The following IQCK variants were observed in gnomAD, a reference collection of about 807,000 sequenced individuals.
IQCK encodes the protein IQ domain-containing protein K.
In IQCK, 29 loss-of-function variants were observed where a neutral mutation model predicts 28.1. The observed-to-expected ratio is 1.03, with a 90% CI of 0.77 to 1.41. The LOEUF is 1.41. IQCK is among the 40% of genes most tolerant of loss of function. IQCK has a pLI of 0.00. For synonymous variants in IQCK, 113 were observed against 115.1 expected (o/e 0.98, Z 0.12); for missense variants, 359 against 314.7 (o/e 1.14, Z -1.07).
intron 9 of IQCK, among the ~76,000 whole-genome samples, chr16:19,850,748 C>T (rs2056471868): frequency 6.6e-6 from 1 of 152,102 alleles, no homozygotes. Context: ...GGTGCTGTGG[C>T]TCACACCTGT....
intron 7 of IQCK, among the ~76,000 whole-genome samples, chr16:19,820,516 G>C (rs1257907873): frequency 1.3e-5 from 2 of 152,124 alleles, no homozygotes; most frequent in African/African-American, 4.8e-5. Flanking sequence ...GGGCGCAGGG[G>C]CGGGCGCCTG....
At chr16:19,812,578 CT>C (rs1443132031) in intron 7 of IQCK, among the ~76,000 whole-genome samples, 1 of 152,086 alleles carries the variant, frequency 6.6e-6, no homozygotes, top group East Asian at 1.9e-4. Context: ...ACTATCTGAT[CT>C]TTTACAAAAA....
At chr16:19,822,067 C>CAAAAAAAAA (rs35060834) in intron 7 of IQCK, among the ~76,000 whole-genome samples, 2 of 64,624 alleles carry the variant, frequency 3.1e-5, no homozygotes, top group African/African-American at 5.0e-5. Flanking sequence ...GACCCTGTCT[C>CAAAAAAAAA]AAAAAAAAAA....
intron 4 of IQCK, among the ~76,000 whole-genome samples, chr16:19,751,282 C>T (rs754825740): frequency 2.4e-4 from 36 of 151,884 alleles, no homozygotes; most frequent in Non-Finnish European, 4.4e-4. Flanking sequence ...CACTTGAGAC[C>T]AGGAATTGGA....
downstream of IQCK, among the ~76,000 whole-genome samples, chr16:19,828,916 T>A (rs947020136): frequency 6.7e-4 from 96 of 143,172 alleles, no homozygotes; most frequent in Middle Eastern, 3.6e-3. Context: ...TTATATATTT[T>A]TATATATATA....
chr16:19,783,613 G>T (rs116816834), intron 6 of IQCK, among the ~76,000 whole-genome samples: 1 of 152,092 alleles, frequency 6.6e-6, no homozygotes, highest in Admixed American at 6.6e-5. Context: ...AGGGCCTGGC[G>T]TGGCTTCTCT....
intron 6 of IQCK, among the ~76,000 whole-genome samples, chr16:19,775,250 A>G (rs2055375334): frequency 6.6e-6 from 1 of 150,698 alleles, no homozygotes. Context: ...AAAAAAGAAG[A>G]CTTTTTAAAA....
At chr16:19,774,801 C>T (rs1246013809) in intron 6 of IQCK, among the ~76,000 whole-genome samples, 4 of 152,000 alleles carry the variant, frequency 2.6e-5, no homozygotes, top group Non-Finnish European at 4.4e-5. Flanking sequence ...ACATGTTTCC[C>T]GTTTTCATGG....
intron 1 of IQCK, among the ~76,000 whole-genome samples, chr16:19,728,488 G>A: frequency 6.6e-6 from 1 of 152,150 alleles, no homozygotes; most frequent in Non-Finnish European, 1.5e-5. Context: ...GACCTCAAGT[G>A]ATCCACCCAC....
chr16:19,821,534 T>C (rs931308988), intron 7 of IQCK, among the ~76,000 whole-genome samples: 2 of 152,144 alleles, frequency 1.3e-5, no homozygotes, highest in Admixed American at 6.6e-5. Context: ...ACCCCGTGTC[T>C]ACTAAAAATA....
chr16:19,735,244 A>G lies in IQCK; in HGVS notation c.377-109A>G. 3 of 739,542 alleles carry G rather than the reference A, an allele frequency of 4.1e-6. No homozygotes were observed. In the South Asian group the frequency reaches 4.8e-5, roughly 12 times the overall value. 45.8% of individuals were successfully genotyped at this position (739,542 alleles called of 1,614,324 possible). ...GGAGCAAAATATAACATCTAAGATCATGTGATTGAATGGACAGTACCTTTT... is the reference window on the plus strand; with the variant it reads ...GGAGCAAAATATAACATCTAAGATCGTGTGATTGAATGGACAGTACCTTTT... On this transcript the variant is annotated intron_variant, in intron 3 of 7. Coordinates refer to ENST00000564186, the Ensembl canonical transcript of IQCK.
intron 9 of IQCK, among the ~76,000 whole-genome samples, chr16:19,835,306 A>T (rs1359266406): frequency 6.6e-6 from 1 of 152,090 alleles, no homozygotes; most frequent in Non-Finnish European, 1.5e-5. Context: ...ACGTAAATAT[A>T]TATATTTATA....
chr16:19,749,998 C>G (rs964050787), intron 4 of IQCK, among the ~76,000 whole-genome samples: 1 of 152,104 alleles, frequency 6.6e-6, no homozygotes, highest in Non-Finnish European at 1.5e-5. Flanking sequence ...CTCATTCCAC[C>G]TCTTTGTAGA....
intron 9 of IQCK, among the ~76,000 whole-genome samples, chr16:19,833,108 G>A (rs1016279709): frequency 6.6e-6 from 1 of 152,114 alleles, no homozygotes; most frequent in African/African-American, 2.4e-5. Context: ...TATGTGTGTG[G>A]TGAGGACACT....
chr16:19,724,942 C>G (rs959763805), intron 1 of IQCK, among the ~76,000 whole-genome samples: 1 of 152,104 alleles, frequency 6.6e-6, no homozygotes, highest in Non-Finnish European at 1.5e-5. Flanking sequence ...ATTCTCACAT[C>G]CCAGAAGTTG....
At chr16:19,779,301 G>A (rs1448538811) in intron 6 of IQCK, among the ~76,000 whole-genome samples, 1 of 152,188 alleles carries the variant, frequency 6.6e-6, no homozygotes, top group Non-Finnish European at 1.5e-5. Flanking sequence ...GACATGTTTT[G>A]AGGTTGGAAC....
chr16:19,834,272 G>A (rs181563100), intron 9 of IQCK, among the ~76,000 whole-genome samples: 2 of 152,222 alleles, frequency 1.3e-5, no homozygotes, highest in East Asian at 3.9e-4. Context: ...CCTCACACAT[G>A]GTATCTCAGA....
In IQCK at chr16:19,727,639, G is replaced by A. The variant is rs114583853; in HGVS notation, c.182-2791G>A. The stretch of plus-strand genomic sequence containing the variant: ...TTGGATCTATGCCATATCTAACAAT[G>A]GTTGTAGGGTTGCAATAGGATTAGG... On this transcript the variant is annotated intron_variant, in intron 1 of 7. Transcript: ENST00000564186. Among the ~76,000 whole-genome samples, 959 of 151,548 alleles carry A rather than the reference G, an allele frequency of 6.3e-3. 13 individuals are homozygous for A. The highest frequency in any genetic ancestry group is 0.022 in the African/African-American group (900 of 41,236).
chr16:19,737,699 C>A (rs1432435895), intron 4 of IQCK, among the ~76,000 whole-genome samples: 1 of 152,062 alleles, frequency 6.6e-6, no homozygotes, highest in African/African-American at 2.4e-5. Flanking sequence ...TTCATGTGTT[C>A]ATTGGTTCCT....
Sources: gnomAD v4.1 joint callset for allele counts (sites outside exome capture counted in the v4.1 genomes callset) on GRCh38, gnomAD v4.1.1 for gene constraint, MANE v1.5 for transcripts, NCBI Gene and HGNC (gene_info 2026-07-23, HGNC 2026-07-21) for gene names.